CACNG2: variants seen among roughly 807,000 people sequenced by gnomAD.
CACNG2 encodes the protein calcium voltage-gated channel auxiliary subunit gamma 2.
CACNG2 carries 3 observed loss-of-function variants against 25.9 expected under a neutral mutation model. The ratio of observed to expected loss-of-function variants is 0.12; its 90% CI spans 0.05 to 0.30. CACNG2 has a LOEUF of 0.30. Among genes scored for constraint, CACNG2 ranks in the 10% least tolerant of loss-of-function variants. The probability of loss-of-function intolerance (pLI) is 1.00; values close to 1 mark genes in which losing one functional copy is unlikely to be tolerated. For synonymous variants in CACNG2, 167 were observed against 173.3 expected (o/e 0.96, Z 0.29); for missense variants, 341 against 432.5 (o/e 0.79, Z 1.88).
intron 1 of CACNG2, among the ~76,000 whole-genome samples, chr22:36,594,703 C>CTG (rs572139819): frequency 0.027 from 3,910 of 144,914 alleles, 119 homozygotes; most frequent in Admixed American, 0.087. Flanking sequence ...GTGTGTGTGT[C>CTG]TGTGTGTGTG....
At position 36,579,627 on chromosome 22, in the gene CACNG2, C is replaced by T. The variant is rs1045947002; in HGVS notation, c.295+7838G>A. On this transcript the variant is annotated intron_variant, in intron 2 of 3. Transcript: ENST00000300105. ...GCCTGTCCCCTGCTCAGAACCCACC[C>T]GTGGTGGTCTCATCTCAGAGGAAAG... is the stretch of plus-strand genomic sequence containing the variant. Among the ~76,000 whole-genome samples, 17 of 152,204 alleles carry T rather than the reference C, an allele frequency of 1.1e-4. No individual in the cohort carries two copies. In the South Asian group the frequency reaches 2.5e-3, roughly 22 times the overall value.
chr22:36,691,581 T>A (rs1366419784), intron 1 of CACNG2, among the ~76,000 whole-genome samples: 1 of 152,156 alleles, frequency 6.6e-6, no homozygotes, highest in African/African-American at 2.4e-5. Flanking sequence ...GAAGATATAA[T>A]TAGTGTCATA....
intron 1 of CACNG2, among the ~76,000 whole-genome samples, chr22:36,676,341 C>T (rs911714780): frequency 6.6e-6 from 1 of 152,188 alleles, no homozygotes; most frequent in African/African-American, 2.4e-5. Context: ...GAACCATGGC[C>T]CTCTCTTTAG....
intron 1 of CACNG2, among the ~76,000 whole-genome samples, chr22:36,634,080 G>A (rs531650419): frequency 6.6e-6 from 1 of 152,354 alleles, no homozygotes; most frequent in African/African-American, 2.4e-5. Context: ...TAATTCAGTT[G>A]TGTATAGGCT....
At chr22:36,610,538 C>T (rs1223530218) in intron 1 of CACNG2, among the ~76,000 whole-genome samples, 1 of 152,220 alleles carries the variant, frequency 6.6e-6, no homozygotes, top group East Asian at 1.9e-4. Flanking sequence ...GAAGCCTTCT[C>T]TGTGCCAGGG....
intron 3 of CACNG2, among the ~76,000 whole-genome samples, chr22:36,565,397 G>A (rs1280433301): frequency 6.6e-6 from 1 of 152,180 alleles, no homozygotes; most frequent in African/African-American, 2.4e-5. Context: ...CTGTAGAATG[G>A]GAGTAAGGTT....
At chr22:36,565,682 G>T (rs1333069454) in intron 3 of CACNG2, among the ~76,000 whole-genome samples, 1 of 152,158 alleles carries the variant, frequency 6.6e-6, no homozygotes, top group African/African-American at 2.4e-5. Flanking sequence ...CGGTCTTGAG[G>T]CCTCGCTGTG....
chr22:36,632,749 G>C (rs1318696885), intron 1 of CACNG2, among the ~76,000 whole-genome samples: 2 of 151,980 alleles, frequency 1.3e-5, no homozygotes, highest in African/African-American at 4.8e-5. Context: ...CTCCTTCTCA[G>C]TCTCTTTGTG....
At chr22:36,576,253 A>C (rs1935310922) in intron 2 of CACNG2, among the ~76,000 whole-genome samples, 1 of 152,236 alleles carries the variant, frequency 6.6e-6, no homozygotes, top group African/African-American at 2.4e-5. Flanking sequence ...GGAGACTATT[A>C]TTCTAAGTGA....
At chr22:36,681,432 T>G (rs1322258498) in intron 1 of CACNG2, among the ~76,000 whole-genome samples, 1 of 152,258 alleles carries the variant, frequency 6.6e-6, no homozygotes, top group Non-Finnish European at 1.5e-5. Flanking sequence ...TTTGAATCTT[T>G]GTCAGCACCT....
At chr22:36,682,668 T>A (rs535897353) in intron 1 of CACNG2, among the ~76,000 whole-genome samples, 44 of 152,284 alleles carry the variant, frequency 2.9e-4, no homozygotes, top group African/African-American at 9.6e-4. Flanking sequence ...TTATTTGGGA[T>A]CATTATTAAA....
intron 2 of CACNG2, among the ~76,000 whole-genome samples, chr22:36,578,730 C>A (rs558329863): frequency 1.3e-5 from 2 of 152,310 alleles, no homozygotes; most frequent in African/African-American, 4.8e-5. Flanking sequence ...CCTCCTCTGA[C>A]CTCATTCTGG....
chr22:36,582,258 C>T (rs1935429695), intron 2 of CACNG2, among the ~76,000 whole-genome samples: 1 of 152,206 alleles, frequency 6.6e-6, no homozygotes, highest in Non-Finnish European at 1.5e-5. Context: ...CTGCAACCCA[C>T]AGGGTCCTTG....
intron 1 of CACNG2, among the ~76,000 whole-genome samples, chr22:36,657,772 C>T (rs73884127): frequency 0.096 from 14,587 of 151,860 alleles, 2,336 homozygotes; most frequent in African/African-American, 0.33. Context: ...TGTGTGTTTC[C>T]TTTGCTATGG....
chr22:36,629,739 T>C (rs558840049), intron 1 of CACNG2, among the ~76,000 whole-genome samples: 1 of 152,234 alleles, frequency 6.6e-6, no homozygotes, highest in African/African-American at 2.4e-5. Flanking sequence ...TCCTACTGGG[T>C]TCCAGGCACA....
chr22:36,608,864 G>GCT (rs1477792261), intron 1 of CACNG2, among the ~76,000 whole-genome samples: 1 of 152,126 alleles, frequency 6.6e-6, no homozygotes, highest in Non-Finnish European at 1.5e-5. Flanking sequence ...AACAGTACAT[G>GCT]CAGTGAGCTC....
chr22:36,597,115 C>T (rs938674347), intron 1 of CACNG2, among the ~76,000 whole-genome samples: 9 of 152,086 alleles, frequency 5.9e-5, no homozygotes, highest in Non-Finnish European at 1.2e-4. Context: ...CTCCGCCTCC[C>T]AGGTTCAAGC....
At chr22:36,671,136 C>T (rs1000561783) in intron 1 of CACNG2, among the ~76,000 whole-genome samples, 1 of 152,128 alleles carries the variant, frequency 6.6e-6, no homozygotes, top group African/African-American at 2.4e-5. Flanking sequence ...CCAGGCTGGT[C>T]TTGAACTCCT....
intron 1 of CACNG2, among the ~76,000 whole-genome samples, chr22:36,690,362 T>C (rs919103295): frequency 1.3e-5 from 1 of 77,770 alleles, no homozygotes; most frequent in African/African-American, 4.1e-5. Flanking sequence ...ATCTTTTTTT[T>C]TCCCCCCAAG....
Sources: allele counts gnomAD v4.1 joint callset (sites outside exome capture counted in the v4.1 genomes callset), GRCh38; gene constraint gnomAD v4.1.1; transcripts MANE v1.5; gene names NCBI Gene and HGNC (gene_info 2026-07-23, HGNC 2026-07-21).